SNX29: variants seen among roughly 807,000 people sequenced by gnomAD.
SNX29 encodes sorting nexin 29, also known as sorting nexin-29.
Under a neutral mutation model 102.1 loss-of-function variants are expected in SNX29, and 78 were observed. That is an observed-to-expected ratio of 0.76 (90% CI 0.64 to 0.92). The LOEUF (loss-of-function observed/expected upper bound fraction) is 0.92. SNX29 is among the 40% of genes least tolerant of loss of function. SNX29 has a pLI of 0.00. For missense variants in SNX29, 1,280 were observed against 1,061.7 expected (o/e 1.21, Z -2.86); for synonymous variants, 580 against 414.5 (o/e 1.40, Z -4.85).
rs576965636 is a variant in SNX29 at position 12,346,058 on chromosome 16, T to A, written c.1783-10105T>A. ...GAAGCAAATTGCAGACATCATGCAATCTAGTTTGTAAATGTTATTGAAGGA... is the reference window on the plus strand; with the variant it reads ...GAAGCAAATTGCAGACATCATGCAAACTAGTTTGTAAATGTTATTGAAGGA... On this transcript the variant is annotated intron_variant, in intron 15 of 20. Transcript: ENST00000566228. 1.5e-3 allele frequency among the ~76,000 whole-genome samples: 228 copies of A among 151,796 alleles called. 1 individual carries two copies. The highest frequency in any genetic ancestry group is 5.1e-3 in the African/African-American group (213 of 41,466).
chr16:12,525,051 C>T (rs752973150), intron 20 of SNX29, among the ~76,000 whole-genome samples: 8 of 152,118 alleles, frequency 5.3e-5, no homozygotes, highest in Non-Finnish European at 1.5e-5. Context: ...AGCAGGCCTG[C>T]AAATGAGCAT....
rs182855903 is a variant in SNX29, at chr16:12,232,377, A to C, written c.1678+32694A>C. On this transcript the variant is annotated intron_variant, in intron 14 of 20. Coordinates refer to ENST00000566228, the MANE Select transcript of SNX29 (RefSeq NM_032167.5). ...CCCCGTCTCTACTAAAAATACAAAA[A>C]TTAGCTGGACATAGTGGCGTGCGCC... Among the ~76,000 whole-genome samples the C allele has an allele frequency of 7.2e-4, 109 of 152,304 alleles. 1 individual carries two copies. The highest frequency in any genetic ancestry group is 2.4e-3 in the African/African-American group (99 of 41,574).
intron 13 of SNX29, among the ~76,000 whole-genome samples, chr16:12,173,591 A>G (rs934099960): frequency 2.0e-5 from 3 of 152,112 alleles, no homozygotes; most frequent in Non-Finnish European, 2.9e-5. Flanking sequence ...AGCTTCCTCT[A>G]CGTCCCAATC....
At chr16:12,311,314 G>C (rs1300729837) in intron 15 of SNX29, among the ~76,000 whole-genome samples, 1 of 152,176 alleles carries the variant, frequency 6.6e-6, no homozygotes, top group African/African-American at 2.4e-5. Context: ...AAGGGGACAG[G>C]AATTGAAGCC....
intron 20 of SNX29, among the ~76,000 whole-genome samples, chr16:12,528,503 C>T (rs990323688): frequency 2.0e-5 from 3 of 152,184 alleles, no homozygotes; most frequent in Non-Finnish European, 4.4e-5. Context: ...CCCAGCCTAG[C>T]TTCTCTTGAA....
chr16:12,520,837 G>A (rs143051706), intron 19 of SNX29, among the ~76,000 whole-genome samples: 168 of 152,184 alleles, frequency 1.1e-3, no homozygotes, highest in Non-Finnish European at 1.4e-3. Context: ...ATAAATGACC[G>A]CATATTTGAG....
chr16:12,440,840 T>C (rs1003045364), intron 18 of SNX29, among the ~76,000 whole-genome samples: 5 of 152,238 alleles, frequency 3.3e-5, no homozygotes, highest in African/African-American at 1.2e-4. Context: ...CAGCGTATCA[T>C]CGATGGGCAT....
chr16:12,271,211 C>T (rs1392632652), intron 14 of SNX29, among the ~76,000 whole-genome samples: 1 of 152,228 alleles, frequency 6.6e-6, no homozygotes, highest in African/African-American at 2.4e-5. Context: ...GTGGCTTAGC[C>T]ACATGCCTGG....
At chr16:12,489,525 C>A (rs2088430824) in intron 19 of SNX29, among the ~76,000 whole-genome samples, 1 of 152,214 alleles carries the variant, frequency 6.6e-6, no homozygotes, top group African/African-American at 2.4e-5. Context: ...AGTCCTCAGC[C>A]TTTGTGGCAC....
At chr16:12,255,663 G>C (rs1400466686) in intron 14 of SNX29, among the ~76,000 whole-genome samples, 4 of 152,124 alleles carry the variant, frequency 2.6e-5, no homozygotes, top group African/African-American at 9.7e-5. Flanking sequence ...AGTTCACTTA[G>C]CATAATATCC....
At chr16:12,540,646 T>G (rs950397965) in intron 20 of SNX29, among the ~76,000 whole-genome samples, 28 of 152,158 alleles carry the variant, frequency 1.8e-4, no homozygotes, top group African/African-American at 6.0e-4. Context: ...TCTCCCCATC[T>G]CAAAAGCCTG....
At chr16:12,234,346 G>C (rs1355194770) in intron 14 of SNX29, among the ~76,000 whole-genome samples, 1 of 152,060 alleles carries the variant, frequency 6.6e-6, no homozygotes, top group Non-Finnish European at 1.5e-5. Flanking sequence ...ATGGCTTACT[G>C]GCCATTTGTA....
chr16:12,201,171 T>C (rs912202856), intron 14 of SNX29, among the ~76,000 whole-genome samples: 4 of 152,230 alleles, frequency 2.6e-5, no homozygotes, highest in South Asian at 2.1e-4. Flanking sequence ...TCTGGAGTTA[T>C]CAGTGCAGAA....
intron 20 of SNX29, chr16:12,527,200 T>TCGTC (rs2076808518): frequency 1.9e-6 from 1 of 533,190 alleles, no homozygotes; most frequent in African/African-American, 1.9e-5. Context: ...ATGTACGGAT[T>TCGTC]GTTTCATTTT....
intron 14 of SNX29, among the ~76,000 whole-genome samples, chr16:12,201,596 G>C (rs1442005920): frequency 6.6e-6 from 1 of 152,202 alleles, no homozygotes; most frequent in Non-Finnish European, 1.5e-5. Flanking sequence ...TTACTGTGCA[G>C]AGGAATTGCC....
chr16:12,104,407 T>C (rs1567209430), intron 11 of SNX29, among the ~76,000 whole-genome samples: 2 of 151,882 alleles, frequency 1.3e-5, no homozygotes. Flanking sequence ...AATACAAAAA[T>C]TAGCTGGGCG....
intron 3 of SNX29, among the ~76,000 whole-genome samples, chr16:12,010,617 C>T (rs533307800): frequency 5.2e-4 from 79 of 152,044 alleles, no homozygotes; most frequent in Non-Finnish European, 9.6e-4. Context: ...TGTGAGACCT[C>T]GTCTCAAAAC....
At chr16:12,542,975 A>C (rs1471991370) in intron 20 of SNX29, among the ~76,000 whole-genome samples, 2 of 151,966 alleles carry the variant, frequency 1.3e-5, no homozygotes. Context: ...AGTACTTACT[A>C]CTCCTGTAAC....
chr16:12,069,027 C>A, intron 9 of SNX29, 30 bp from the exon 10 acceptor site: 3 of 1,607,070 alleles, frequency 1.9e-6, no homozygotes, highest in Non-Finnish European at 2.6e-6. Context: ...AGAAAAGTGA[C>A]CTCTTTCTGT....
Sources: allele counts gnomAD v4.1 joint callset (sites outside exome capture counted in the v4.1 genomes callset), GRCh38; gene constraint gnomAD v4.1.1; transcripts MANE v1.5; gene names NCBI Gene and HGNC (gene_info 2026-07-23, HGNC 2026-07-21).